Variants in ERAP1 observed in about 807,000 individuals in gnomAD.
The protein encoded by ERAP1 is adipocyte-derived leucine aminopeptidase.
In ERAP1, 86 loss-of-function variants were observed where a neutral mutation model predicts 103.7. The observed-to-expected ratio is 0.83, with a 90% CI of 0.70 to 0.99. The LOEUF (loss-of-function observed/expected upper bound fraction) is 0.99. Among genes scored for constraint, ERAP1 ranks in the 50% least tolerant of loss-of-function variants. The probability of loss-of-function intolerance (pLI) is 0.00; values close to 1 mark genes in which losing one functional copy is unlikely to be tolerated. For missense variants in ERAP1, 1,009 were observed against 1,128.4 expected, an observed-to-expected ratio of 0.89 and a Z score of 1.52; for synonymous variants, 398 against 402.4, an observed-to-expected ratio of 0.99 and a Z score of 0.13.
rs966747806 is a variant in ERAP1, at chr5:96,775,890, T to G, written c.*506A>C. The G allele has an allele frequency of 1.4e-5, 13 of 924,094 alleles. No homozygotes were observed. The African/African-American group carries it at 2.1e-4, about 15-fold the overall frequency. The allele number at this position is 924,094 out of a possible 1,614,324, so 57.2% of individuals were successfully genotyped here. On this transcript the variant is annotated 3_prime_UTR_variant, in exon 19 of 19. Coordinates refer to ENST00000443439, the MANE Select transcript of ERAP1 (RefSeq NM_001040458.3). ...GCAAGAAAGCTTGATGACTTGGCCT[T>G]TACAAGTCAGCCCCTGGGCATGGAG...
chr5:96,878,109 A>G, the ERAP1 span, among the ~76,000 whole-genome samples: 1 of 152,166 alleles, frequency 6.6e-6, no homozygotes, highest in East Asian at 1.9e-4. Flanking sequence ...CTAATTTTAT[A>G]TGTGTTGTAG....
chr5:96,889,213 G>A, the ERAP1 span: 10 of 1,614,066 alleles, frequency 6.2e-6, no homozygotes, highest in Admixed American at 1.0e-4. Flanking sequence ...CCAGACAAAC[G>A]GAATCAAACA....
the ERAP1 span, chr5:96,934,274 C>CT: frequency 6.6e-6 from 1 of 152,232 alleles, no homozygotes; most frequent in East Asian, 1.9e-4. Context: ...AAGGCCAAGT[C>CT]TTTATAGAGT....
chr5:96,846,968 C>T, the ERAP1 span, among the ~76,000 whole-genome samples: 228 of 147,770 alleles, frequency 1.5e-3, 1 homozygote, highest in Middle Eastern at 7.0e-3. Context: ...GGGCCGGGTG[C>T]GGTGGTTCAT....
chr5:96,861,421 G>A, the ERAP1 span, among the ~76,000 whole-genome samples: 1 of 152,186 alleles, frequency 6.6e-6, no homozygotes, highest in Non-Finnish European at 1.5e-5. Flanking sequence ...TGCAGATTAG[G>A]TAAAAATCTA....
At chr5:96,833,966 C>A in the ERAP1 span, among the ~76,000 whole-genome samples, 1 of 152,016 alleles carries the variant, frequency 6.6e-6, no homozygotes, top group Admixed American at 6.6e-5. Context: ...AGTAATGATC[C>A]ATTGCTGATT....
chr5:96,907,226 T>C, the ERAP1 span, among the ~76,000 whole-genome samples: 2 of 152,224 alleles, frequency 1.3e-5, no homozygotes, highest in Non-Finnish European at 2.9e-5. Context: ...TTCTATGCAT[T>C]TTTTGAAGCA....
At chr5:96,868,969 A>G in the ERAP1 span, among the ~76,000 whole-genome samples, 1 of 151,990 alleles carries the variant, frequency 6.6e-6, no homozygotes, top group African/African-American at 2.4e-5. Context: ...TACTCGTAGA[A>G]TGTTATTGCT....
chr5:96,861,633 T>G, the ERAP1 span, among the ~76,000 whole-genome samples: 9 of 152,216 alleles, frequency 5.9e-5, no homozygotes, highest in Non-Finnish European at 1.2e-4. Context: ...ACTTGGGATA[T>G]GCCAGGCTTC....
At chr5:96,895,544 A>G in the ERAP1 span, among the ~76,000 whole-genome samples, 1 of 152,216 alleles carries the variant, frequency 6.6e-6, no homozygotes, top group Admixed American at 6.5e-5. Context: ...TTAGAAAACA[A>G]TCAACATAAA....
At chr5:96,837,445 G>A in the ERAP1 span, among the ~76,000 whole-genome samples, 5 of 152,324 alleles carry the variant, frequency 3.3e-5, no homozygotes, top group African/African-American at 1.2e-4. Context: ...ACGGGCGCTG[G>A]ACCCAGGCAG....
At chr5:96,921,753 C>G in the ERAP1 span, among the ~76,000 whole-genome samples, 4 of 152,206 alleles carry the variant, frequency 2.6e-5, no homozygotes, top group African/African-American at 9.6e-5. Context: ...ATTTCCCACA[C>G]TTCAAAATTC....
At chr5:96,819,621 T>C in the ERAP1 span, among the ~76,000 whole-genome samples, 1 of 152,176 alleles carries the variant, frequency 6.6e-6, no homozygotes, top group Non-Finnish European at 1.5e-5. Context: ...ATACCGTAAG[T>C]TTGAAAAACC....
chr5:96,888,399 G>A, the ERAP1 span, among the ~76,000 whole-genome samples: 580 of 152,288 alleles, frequency 3.8e-3, 1 homozygote, highest in Non-Finnish European at 4.7e-3. Flanking sequence ...TGGGTGATCT[G>A]GAGCAAGTTA....
At chr5:96,922,267 C>T in the ERAP1 span, among the ~76,000 whole-genome samples, 4 of 152,154 alleles carry the variant, frequency 2.6e-5, no homozygotes, top group African/African-American at 9.7e-5. Flanking sequence ...CACTGCACTC[C>T]GGCCTGGGCG....
intron 3 of ERAP1, among the ~76,000 whole-genome samples, chr5:96,799,980 G>A (rs1777798252): frequency 6.6e-6 from 1 of 152,214 alleles, no homozygotes; most frequent in African/African-American, 2.4e-5. Context: ...AGGTTGGTCT[G>A]TGGCTCTCAG....
downstream of ERAP1, chr5:96,770,655 G>C: frequency 8.3e-7 from 1 of 1,200,978 alleles, no homozygotes; most frequent in South Asian, 1.2e-5. Context: ...ACACAGAGTA[G>C]GGTTTATCAT....
At chr5:96,879,765 C>A in the ERAP1 span, 2 of 1,614,068 alleles carry the variant, frequency 1.2e-6, no homozygotes, top group Non-Finnish European at 1.7e-6. Flanking sequence ...TGCTTAACAG[C>A]CATCTTGCCC....
At chr5:96,904,010 T>A in the ERAP1 span, among the ~76,000 whole-genome samples, 82,041 of 151,774 alleles carry the variant, frequency 0.54, 22,201 homozygotes, top group Admixed American at 0.59. Flanking sequence ...TGTATTTATG[T>A]TATTAGCTGC....
Sources: allele counts gnomAD v4.1 joint callset (sites outside exome capture counted in the v4.1 genomes callset), GRCh38; gene constraint gnomAD v4.1.1; transcripts MANE v1.5; gene names NCBI Gene and HGNC (gene_info 2026-07-23, HGNC 2026-07-21).